Variants in TUBB1 observed in about 807,000 individuals in gnomAD.
TUBB1 encodes tubulin beta-1 chain.
Under a neutral mutation model 22.6 loss-of-function variants are expected in TUBB1, and 28 were observed. That is an observed-to-expected ratio of 1.24 (90% CI 0.92 to 1.70). The LOEUF (loss-of-function observed/expected upper bound fraction) is 1.70. Ranked by LOEUF, TUBB1 falls within the 40% of genes most tolerant of loss-of-function variation. The probability of loss-of-function intolerance (pLI) is 0.00; values close to 1 mark genes in which losing one functional copy is unlikely to be tolerated. For synonymous variants in TUBB1, 226 were observed against 238.0 expected (o/e 0.95, Z 0.46); for missense variants, 577 against 605.5 (o/e 0.95, Z 0.49).
Position 59,023,704 on chromosome 20 carries a change from G to T in TUBB1, c.278-1G>T. On this transcript the variant is annotated splice_acceptor_variant, in intron 3 of 3. Coordinates refer to ENST00000217133, the MANE Select transcript of TUBB1 (RefSeq NM_030773.4). LOFTEE classifies it high-confidence loss of function. Reference sequence around the variant, plus strand: ...CTGCTGGTTTCTCTTTTTGGCCACAGGTAACTCTGGGGCTGGCAACAACTG... The same window carrying T: ...CTGCTGGTTTCTCTTTTTGGCCACATGTAACTCTGGGGCTGGCAACAACTG... The T allele has an allele frequency of 6.2e-7, 1 of 1,614,160 alleles. No individual in the cohort carries two copies.
chr20:59,024,477 G>C lies in TUBB1; in HGVS notation c.1050G>C (p.Lys350Asn). ...CFVEWIPNNV[K>N]VAVCDIPPRG... ...TGGAGTGGATTCCCAACAACGTCAA[G>C]GTGGCTGTCTGCGACATCCCGCCCC... The change falls in exon 4 of 4, where the codon AAG becomes AAC. Residue 350 changes from lysine (K) to asparagine (N), a missense_variant. Lys to Asn is a moderately conservative substitution (Grantham distance 94). Coordinates refer to ENST00000217133, the MANE Select transcript of TUBB1 (RefSeq NM_030773.4). The surrounding 1 kb of genome is among the most constrained non-coding windows in gnomAD (Gnocchi z 4.9). 6.2e-7 allele frequency: 1 copy of C among 1,614,176 alleles called. No homozygotes were observed. The highest frequency in any genetic ancestry group is 8.5e-7 in the Non-Finnish European group (1 of 1,180,048).
intron 1 of TUBB1, among the ~76,000 whole-genome samples, chr20:59,022,267 G>A (rs553261392): frequency 9.9e-5 from 15 of 150,960 alleles, no homozygotes; most frequent in East Asian, 9.7e-4. Context: ...CCCAGGAGGC[G>A]GAGGTTGCAG....
intron 1 of TUBB1, among the ~76,000 whole-genome samples, chr20:59,022,612 A>AT (rs962591295): frequency 6.6e-6 from 1 of 152,164 alleles, no homozygotes; most frequent in Admixed American, 6.5e-5. Context: ...TGTGTTTGAC[A>AT]TTTTATTTAA....
In TUBB1 at chr20:59,025,004, A is replaced by G; in HGVS notation, c.*221A>G. On this transcript the variant is annotated 3_prime_UTR_variant, in exon 4 of 4. Coordinates refer to ENST00000217133, the MANE Select transcript of TUBB1 (RefSeq NM_030773.4). The stretch of plus-strand genomic sequence containing the variant: ...ACTAACCTTGAAGAGTTTGATGTTC[A>G]GTGCATACTTATTAACTTAAAAAAA... 1.7e-6 allele frequency: 1 copy of G among 596,472 alleles called. No individual in the cohort carries two copies. The highest frequency in any genetic ancestry group is 3.0e-6 in the Non-Finnish European group (1 of 335,358). The allele number at this position is 596,472 out of a possible 1,614,324, so 36.9% of individuals were successfully genotyped here.
In TUBB1 at chr20:59,023,984, TTCTG is replaced by T. The variant is rs1378185908; in HGVS notation, c.561_564del (p.Ile189ThrfsTer3). On this transcript the variant is annotated frameshift_variant, in exon 4 of 4. Coordinates refer to ENST00000217133, the MANE Select transcript of TUBB1 (RefSeq NM_030773.4). LOFTEE classifies it high-confidence loss of function. ...ACTGTGGTGGAGCCCTACAACGCGG[TTCTG>T]TCTATCCACCAGCTGATTGAGAATG... The T allele has an allele frequency of 9.9e-6, 16 of 1,613,944 alleles. No homozygotes were observed. The highest frequency in any genetic ancestry group is 1.2e-5 in the Non-Finnish European group (14 of 1,179,982).
chr20:59,019,413 C>A, upstream of TUBB1: 1 of 1,352,644 alleles, frequency 7.4e-7, no homozygotes, highest in Non-Finnish European at 1.1e-6. Context: ...TGGCCAGTCC[C>A]ACCACTGCAG....
Position 59,023,697 on chromosome 20 carries a change from G to A in TUBB1, c.278-8G>A, listed in dbSNP as rs775394229. On this transcript the variant is annotated splice_polypyrimidine_tract_variant and splice_region_variant and intron_variant, in intron 3 of 3. Coordinates refer to ENST00000217133, the MANE Select transcript of TUBB1 (RefSeq NM_030773.4). The stretch of plus-strand genomic sequence containing the variant: ...TCTTCCCCTGCTGGTTTCTCTTTTT[G>A]GCCACAGGTAACTCTGGGGCTGGCA... 1.2e-6 allele frequency: 2 copies of A among 1,614,002 alleles called. No individual in the cohort carries two copies. The highest frequency in any genetic ancestry group is 1.7e-6 in the Non-Finnish European group (2 of 1,179,988).
chr20:59,026,248 C>T lies in TUBB1; in HGVS notation c.*1465C>T, dbSNP rs981778838. ...TACCAAGAGAAAAATACCTTGCCAT[C>T]GGATCATCAACAAGTCTTCTATTTA... On this transcript the variant is annotated 3_prime_UTR_variant, in exon 4 of 4. Coordinates refer to ENST00000217133, the MANE Select transcript of TUBB1 (RefSeq NM_030773.4). 2.6e-5 allele frequency: 4 copies of T among 152,198 alleles called. No individual in the cohort carries two copies. The highest frequency in any genetic ancestry group is 4.4e-5 in the Non-Finnish European group (3 of 68,016). 9.4% of individuals were successfully genotyped at this position (152,198 alleles called of 1,614,324 possible).
intron 2 of TUBB1, among the ~76,000 whole-genome samples, chr20:59,023,257 TGGCAATATCACA>T (rs2146376046): frequency 6.7e-6 from 1 of 149,366 alleles, no homozygotes; most frequent in African/African-American, 2.5e-5. Context: ...TCTCTGTCAC[TGGCAATATCACA>T]GAGCAGACTG....
chr20:59,022,978 C>T, intron 2 of TUBB1, 25 bp downstream of exon 2: 1 of 1,594,548 alleles, frequency 6.3e-7, no homozygotes, highest in Non-Finnish European at 8.6e-7. Context: ...GCTCTGGGAG[C>T]AGTGGTCCCG....
chr20:59,019,035 G>A (rs969222362), upstream of TUBB1, among the ~76,000 whole-genome samples: 18 of 152,172 alleles, frequency 1.2e-4, no homozygotes, highest in Non-Finnish European at 2.4e-4. Context: ...GGCGGGGCAC[G>A]GGGCTTCTGG....
At position 59,021,671 on chromosome 20, in the gene TUBB1, G is replaced by T. The variant is rs567620280; in HGVS notation, c.58-1174G>T. Among the ~76,000 whole-genome samples the T allele has an allele frequency of 3.3e-5, 5 of 152,274 alleles. No individual in the cohort carries two copies. In the South Asian group the frequency reaches 1.0e-3, roughly 32 times the overall value. On this transcript the variant is annotated intron_variant, in intron 1 of 3. Coordinates refer to ENST00000217133, the MANE Select transcript of TUBB1 (RefSeq NM_030773.4). ...TACCAGAGGACAACTATGTGTAATT[G>T]TGAGTTGTATGTATACCTGACAATC... is the stretch of plus-strand genomic sequence containing the variant.
At chr20:59,019,397 C>G (rs2091957806), upstream of TUBB1, 1 of 1,100,534 alleles carries the variant, frequency 9.1e-7, no homozygotes, top group African/African-American at 1.5e-5. Flanking sequence ...GTGAGGGTAG[C>G]TTGGTTGGCC....
chr20:59,022,703 T>C (rs2091973092), intron 1 of TUBB1, 142 bp from the exon 2 acceptor site: 3 of 740,692 alleles, frequency 4.1e-6, no homozygotes, highest in Non-Finnish European at 7.3e-6. Context: ...GATGCCATGG[T>C]TATTTATGAA....
Position 59,024,622 on chromosome 20 carries a change from A to G in TUBB1, c.1195A>G (p.Thr399Ala). 1 of 1,614,198 alleles carries G rather than the reference A, an allele frequency of 6.2e-7. No individual in the cohort carries two copies. The highest frequency in any genetic ancestry group is 2.2e-5 in the East Asian group (1 of 44,888). The change falls in exon 4 of 4, where the codon ACC becomes GCC. Residue 399 changes from threonine to alanine, a missense_variant. Coordinates refer to ENST00000217133, the MANE Select transcript of TUBB1 (RefSeq NM_030773.4). The surrounding 1 kb of genome is among the most constrained non-coding windows in gnomAD (Gnocchi z 4.9). ...FKRKAFVHWY[T>A]SEGMDINEFG... ...AAGGAAAGCTTTTGTGCACTGGTACACCAGCGAAGGGATGGACATAAACGA... is the reference window on the plus strand; with the variant it reads ...AAGGAAAGCTTTTGTGCACTGGTACGCCAGCGAAGGGATGGACATAAACGA...
upstream of TUBB1, among the ~76,000 whole-genome samples, chr20:59,018,210 C>A (rs1341741335): frequency 6.6e-6 from 1 of 152,208 alleles, no homozygotes; most frequent in Non-Finnish European, 1.5e-5. Context: ...GGAACTGCCA[C>A]CCTCCTGGGC....
chr20:59,022,776 C>A, intron 1 of TUBB1, 69 bp from the exon 2 acceptor site: 1 of 1,444,834 alleles, frequency 6.9e-7, no homozygotes, highest in Non-Finnish European at 9.7e-7. Flanking sequence ...CTTGGGAATG[C>A]TAACTTTCTC....
At chr20:59,022,761 A>G in intron 1 of TUBB1, 84 bp from the exon 2 acceptor site, 2 of 1,278,440 alleles carry the variant, frequency 1.6e-6, no homozygotes, top group Non-Finnish European at 2.3e-6. Flanking sequence ...CCAGAGGGAA[A>G]CAGGCTTGGG....
At chr20:59,018,838 G>A (rs980691966), upstream of TUBB1, among the ~76,000 whole-genome samples, 1 of 152,254 alleles carries the variant, frequency 6.6e-6, no homozygotes, top group Non-Finnish European at 1.5e-5. Context: ...GGGCTGGGAA[G>A]GGTGCTGGGG....
Sources: gnomAD v4.1 joint callset for allele counts (sites outside exome capture counted in the v4.1 genomes callset) on GRCh38, gnomAD v4.1.1 for gene constraint, Gnocchi (gnomAD v3.1) non-coding constraint, MANE v1.5 for transcripts, NCBI Gene and HGNC (gene_info 2026-07-23, HGNC 2026-07-21) for gene names.